GALNS: variants seen among roughly 807,000 people sequenced by gnomAD.
GALNS encodes the protein galactosamine (N-acetyl)-6-sulfatase, also known as N-acetylgalactosamine-6-sulfatase.
GALNS carries 65 observed loss-of-function variants against 65.9 expected under a neutral mutation model. The ratio of observed to expected loss-of-function variants is 0.99; its 90% CI spans 0.81 to 1.21. The LOEUF (loss-of-function observed/expected upper bound fraction) is 1.21. Ranked by LOEUF, GALNS falls within the 50% of genes most tolerant of loss-of-function variation. The pLI is 0.00. For synonymous variants in GALNS, 346 were observed against 288.9 expected, an observed-to-expected ratio of 1.20 and a Z score of -2.00; for missense variants, 776 against 700.7, an observed-to-expected ratio of 1.11 and a Z score of -1.21.
chr16:88,853,102 T>G (rs1317905803), intron 1 of GALNS, among the ~76,000 whole-genome samples: 3 of 151,362 alleles, frequency 2.0e-5, no homozygotes, highest in Non-Finnish European at 4.4e-5. Flanking sequence ...AATACAAAAA[T>G]TAGCTGGGCA....
At chr16:88,854,057 C>A (rs957205544) in intron 1 of GALNS, among the ~76,000 whole-genome samples, 1 of 152,260 alleles carries the variant, frequency 6.6e-6, no homozygotes, top group Non-Finnish European at 1.5e-5. Flanking sequence ...AGGCCCCCCA[C>A]TGCCCAGCCA....
At chr16:88,817,862 GCT>G (rs1438347056) in intron 13 of GALNS, 143 bp downstream of exon 13, 19 of 772,842 alleles carry the variant, frequency 2.5e-5, no homozygotes, top group South Asian at 1.9e-4. Context: ...CGCCGCGTGT[GCT>G]CTGAGGCACG....
chr16:88,821,178 GGCC>G (rs1567515934), intron 12 of GALNS, among the ~76,000 whole-genome samples: 3 of 62,628 alleles, frequency 4.8e-5, no homozygotes, highest in Non-Finnish European at 9.9e-5. Context: ...CTTTTCCAGA[GGCC>G]AGAGGCTGAA....
intron 13 of GALNS, chr16:88,815,829 G>A (rs2142973705): frequency 1.3e-5 from 13 of 985,094 alleles, no homozygotes; most frequent in African/African-American, 1.8e-5. Flanking sequence ...AGGGGCAGCA[G>A]AGGCAGCCGC....
chr16:88,820,699 G>A (rs1193330843), intron 12 of GALNS, among the ~76,000 whole-genome samples: 1 of 152,228 alleles, frequency 6.6e-6, no homozygotes, highest in African/African-American at 2.4e-5. Flanking sequence ...GCTCTGGCCT[G>A]GCTGGAGGGG....
At chr16:88,856,608 C>T (rs1453672469) in intron 1 of GALNS, 150 bp downstream of exon 1, 3 of 555,108 alleles carry the variant, frequency 5.4e-6, no homozygotes, top group African/African-American at 4.0e-5. Flanking sequence ...CCTCCTCCTC[C>T]CCGCGCGGGG....
intron 1 of GALNS, among the ~76,000 whole-genome samples, chr16:88,848,812 G>A (rs1301966918): frequency 6.6e-6 from 1 of 152,216 alleles, no homozygotes; most frequent in Non-Finnish European, 1.5e-5. Flanking sequence ...TGGGCGCTGG[G>A]CCCCGGGGAC....
chr16:88,835,364 T>C lies in GALNS; in HGVS notation c.759-12A>G. 1 of 1,613,228 alleles carries C rather than the reference T, an allele frequency of 6.2e-7. No individual in the cohort carries two copies. The highest frequency in any genetic ancestry group is 8.5e-7 in the Non-Finnish European group (1 of 1,179,672). ...CGGCGTCTCCATACCTGCAGGATGG[T>C]GACAAAAGGCATCTCCATACCTGGA... On this transcript the variant is annotated splice_polypyrimidine_tract_variant and intron_variant, in intron 7 of 13. Transcript: ENST00000268695.
chr16:88,822,785 C>A, intron 11 of GALNS, 75 bp from the exon 12 acceptor site: 1 of 1,574,774 alleles, frequency 6.4e-7, no homozygotes, highest in Non-Finnish European at 8.6e-7. Context: ...TGCCCGTGTC[C>A]TGGAGCCCCT....
At chr16:88,842,123 C>T (rs1438667413) in intron 2 of GALNS, 152 bp from the exon 3 acceptor site, 7 of 739,458 alleles carry the variant, frequency 9.5e-6, no homozygotes, top group Admixed American at 2.0e-5. Flanking sequence ...TCCCCGTTAG[C>T]GTCTCCACCA....
At chr16:88,815,097 TG>T in intron 13 of GALNS, 2 of 985,414 alleles carry the variant, frequency 2.0e-6, no homozygotes, top group Non-Finnish European at 2.4e-6. Context: ...GGCCTCAGTG[TG>T]GGGACCACCT....
chr16:88,815,931 T>A, intron 13 of GALNS: 1 of 985,348 alleles, frequency 1.0e-6, no homozygotes, highest in African/African-American at 1.7e-5. Flanking sequence ...ACACTCCCTC[T>A]CCTCTGTGCC....
At chr16:88,816,608 G>A in intron 13 of GALNS, 5 of 984,372 alleles carry the variant, frequency 5.1e-6, no homozygotes, top group Non-Finnish European at 6.0e-6. Context: ...CAGGGACAAG[G>A]CCATCTGCCC....
chr16:88,842,550 TTGA>T, intron 2 of GALNS, 153 bp downstream of exon 2: 3 of 900,006 alleles, frequency 3.3e-6, no homozygotes, highest in Non-Finnish European at 5.0e-6. Flanking sequence ...GGGCTGGGAT[TTGA>T]TGAGAAAGGC....
chr16:88,814,621 T>C, intron 13 of GALNS, 96 bp from the exon 14 acceptor site: 1 of 1,536,068 alleles, frequency 6.5e-7, no homozygotes, highest in Non-Finnish European at 8.8e-7. Context: ...TCTGAGACAG[T>C]CTCACTCTGT....
At chr16:88,851,506 G>C (rs1967507082) in intron 1 of GALNS, among the ~76,000 whole-genome samples, 1 of 152,152 alleles carries the variant, frequency 6.6e-6, no homozygotes, top group South Asian at 2.1e-4. Flanking sequence ...ACTGGGACTG[G>C]TTGGACAGTG....
At chr16:88,814,896 A>G (rs968119510) in intron 13 of GALNS, 1 of 388,774 alleles carries the variant, frequency 2.6e-6, no homozygotes, top group African/African-American at 2.2e-5. Context: ...ACCACGCCCA[A>G]CCATTTTTGT....
At chr16:88,823,928 C>T (rs940239902) in intron 11 of GALNS, among the ~76,000 whole-genome samples, 4 of 152,194 alleles carry the variant, frequency 2.6e-5, no homozygotes, top group African/African-American at 4.8e-5. Flanking sequence ...GAAAGAAGAG[C>T]GGGTGCGGGG....
intron 12 of GALNS, among the ~76,000 whole-genome samples, chr16:88,820,031 T>G (rs1216086773): frequency 2.0e-5 from 3 of 152,050 alleles, no homozygotes; most frequent in African/African-American, 7.2e-5. Flanking sequence ...TCTTGCTGTG[T>G]TGACCAGGCT....
Sources: gnomAD v4.1 joint callset for allele counts (sites outside exome capture counted in the v4.1 genomes callset) on GRCh38, gnomAD v4.1.1 for gene constraint, MANE v1.5 for transcripts, NCBI Gene and HGNC (gene_info 2026-07-23, HGNC 2026-07-21) for gene names.